DIAPH2: variants seen among roughly 807,000 people sequenced by gnomAD.
DIAPH2 encodes the protein protein diaphanous homolog 2.
Under a neutral mutation model 92.7 loss-of-function variants are expected in DIAPH2, and 35 were observed. That is an observed-to-expected ratio of 0.38 (90% CI 0.29 to 0.50). The LOEUF (loss-of-function observed/expected upper bound fraction) is 0.50. Among genes scored for constraint, DIAPH2 ranks in the 20% least tolerant of loss-of-function variants. The pLI, the probability that DIAPH2 is intolerant of heterozygous loss-of-function variation, is 0.94. For synonymous variants in DIAPH2, 301 were observed against 280.4 expected, an observed-to-expected ratio of 1.07 and a Z score of -0.73; for missense variants, 701 against 819.5, an observed-to-expected ratio of 0.86 and a Z score of 1.77.
chrX:97,493,550 C>T (rs1242668205), intron 26 of DIAPH2, among the ~76,000 whole-genome samples: 1 of 111,159 alleles, frequency 9.0e-6, no homozygotes, highest in African/African-American at 3.3e-5. Flanking sequence ...CGTGAGCCAC[C>T]GCACCCGGCC....
At chrX:96,845,813 C>T (rs1205868306) in intron 4 of DIAPH2, among the ~76,000 whole-genome samples, 1 of 111,968 alleles carries the variant, frequency 8.9e-6, no homozygotes, top group Non-Finnish European at 1.9e-5. Context: ...ACCAGTCTCA[C>T]TCTGTTACTC....
At chrX:96,784,493 T>C (rs1240107969) in intron 4 of DIAPH2, among the ~76,000 whole-genome samples, 1 of 111,633 alleles carries the variant, frequency 9.0e-6, no homozygotes, top group Non-Finnish European at 1.9e-5. Context: ...CTCAAACCCA[T>C]GTAAAAACAG....
At chrX:97,518,333 C>T (rs1275953322) in intron 26 of DIAPH2, among the ~76,000 whole-genome samples, 4 of 111,224 alleles carry the variant, frequency 3.6e-5, no homozygotes, top group African/African-American at 9.8e-5. Flanking sequence ...TTCATTTACA[C>T]GTAGCTGTAA....
intron 26 of DIAPH2, among the ~76,000 whole-genome samples, chrX:97,511,513 C>T (rs904331953): frequency 7.3e-5 from 8 of 108,940 alleles, no homozygotes; most frequent in African/African-American, 2.7e-4. Flanking sequence ...CTTCTCCTGC[C>T]TAATTGCCCT....
intron 3 of DIAPH2, 61 bp downstream of exon 3, chrX:96,738,823 GT>G (rs2064102778): frequency 1.1e-6 from 1 of 944,872 alleles, no homozygotes; most frequent in African/African-American, 2.0e-5. Flanking sequence ...ATAGCACTGA[GT>G]TTTAAGGAGG....
intron 26 of DIAPH2, among the ~76,000 whole-genome samples, chrX:97,501,900 T>C (rs184221335): frequency 0.028 from 3,065 of 111,370 alleles, 35 homozygotes; most frequent in Middle Eastern, 0.041. Context: ...CCTCCTGGGT[T>C]CAAGCAATTC....
rs2067070876 is a variant in DIAPH2 at position 97,123,415 on chromosome X, A to G, written c.2589+8450A>G. On this transcript the variant is annotated intron_variant, in intron 21 of 26. Transcript: ENST00000324765. ...TTTTTCAAAGGCAACCATTAATACT[A>G]CTTAAGTTAGTAAATCTAGAAGTAT... Among the ~76,000 whole-genome samples the G allele has an allele frequency of 2.7e-5, 3 of 112,545 alleles. No homozygotes were observed. The Admixed American group carries it at 2.8e-4, about 11-fold the overall frequency.
At chrX:97,569,273 CAG>C (rs1417194978) in intron 26 of DIAPH2, among the ~76,000 whole-genome samples, 1 of 111,933 alleles carries the variant, frequency 8.9e-6, no homozygotes, top group Non-Finnish European at 1.9e-5. Context: ...ATGAAGTTAC[CAG>C]AGAGGGCAGT....
chrX:97,551,550 G>A (rs1020299089), intron 26 of DIAPH2, among the ~76,000 whole-genome samples: 2 of 106,387 alleles, frequency 1.9e-5, no homozygotes, highest in African/African-American at 3.5e-5. Flanking sequence ...AGATCGTGCC[G>A]CCATTACACT....
intron 23 of DIAPH2, among the ~76,000 whole-genome samples, chrX:97,284,565 G>A (rs1360281916): frequency 1.9e-5 from 2 of 106,690 alleles, no homozygotes; most frequent in Admixed American, 1.0e-4. Flanking sequence ...AGCCGAGATC[G>A]CGCCATTGTA....
intron 18 of DIAPH2, among the ~76,000 whole-genome samples, chrX:97,073,343 A>AT (rs113376003): frequency 0.043 from 4,693 of 110,400 alleles, 262 homozygotes; most frequent in African/African-American, 0.15. Context: ...ACAAAAAGTG[A>AT]TTTTTTTTTC....
At chrX:97,186,820 A>G (rs1039828037) in intron 22 of DIAPH2, among the ~76,000 whole-genome samples, 9 of 111,831 alleles carry the variant, frequency 8.0e-5, no homozygotes, top group Admixed American at 5.7e-4. Context: ...ATGGAAAGTG[A>G]GGGGCTTTGC....
chrX:96,734,161 CAT>C (rs975413645), intron 1 of DIAPH2, among the ~76,000 whole-genome samples: 22 of 112,193 alleles, frequency 2.0e-4, no homozygotes, highest in Non-Finnish European at 3.6e-4. Flanking sequence ...ACATTTTAAA[CAT>C]ATGTGTACCT....
chrX:96,759,891 G>C (rs1157314498), intron 4 of DIAPH2, among the ~76,000 whole-genome samples: 1 of 111,604 alleles, frequency 9.0e-6, no homozygotes. Context: ...CACACTTCAA[G>C]TTATATACTG....
At chrX:97,014,649 G>T (rs1371130966) in intron 17 of DIAPH2, among the ~76,000 whole-genome samples, 1 of 111,900 alleles carries the variant, frequency 8.9e-6, no homozygotes, top group Non-Finnish European at 1.9e-5. Flanking sequence ...TTCAGAGTGG[G>T]TAGGAGAATC....
chrX:96,926,920 A>G (rs2065585953), intron 9 of DIAPH2, among the ~76,000 whole-genome samples: 1 of 111,586 alleles, frequency 9.0e-6, no homozygotes, highest in African/African-American at 3.3e-5. Flanking sequence ...ATTTGTAACA[A>G]TAGATATGGC....
chrX:96,802,929 T>C (rs977692478), intron 4 of DIAPH2, among the ~76,000 whole-genome samples: 1 of 111,625 alleles, frequency 9.0e-6, no homozygotes, highest in East Asian at 2.8e-4. Context: ...GCTGAAGAGC[T>C]TGGAGTCTTA....
At chrX:97,423,146 G>A (rs1396632385) in intron 25 of DIAPH2, among the ~76,000 whole-genome samples, 1 of 111,104 alleles carries the variant, frequency 9.0e-6, no homozygotes. Flanking sequence ...CTTTTATAAT[G>A]GACTGAACAC....
intron 21 of DIAPH2, among the ~76,000 whole-genome samples, chrX:97,115,703 A>T (rs148364148): frequency 0.032 from 3,569 of 111,882 alleles, 67 homozygotes; most frequent in Middle Eastern, 0.065. Context: ...AATACTCTTC[A>T]ATGTCAAGTA....
Sources: gnomAD v4.1 joint callset for allele counts (sites outside exome capture counted in the v4.1 genomes callset) on GRCh38, gnomAD v4.1.1 for gene constraint, MANE v1.5 for transcripts, NCBI Gene and HGNC (gene_info 2026-07-23, HGNC 2026-07-21) for gene names.